Variants in HDGFL3 observed in about 807,000 individuals in gnomAD.
HDGFL3 encodes the protein hepatoma-derived growth factor-related protein 3.
A neutral mutation model predicts 27.6 loss-of-function variants in HDGFL3; 6 were observed. That is an observed-to-expected ratio of 0.22 (90% CI 0.12 to 0.43). The LOEUF is 0.43. Among genes scored for constraint, HDGFL3 ranks in the 20% least tolerant of loss-of-function variants. HDGFL3 has a pLI of 1.00. For missense variants in HDGFL3, 207 were observed against 250.1 expected, an observed-to-expected ratio of 0.83 and a Z score of 1.16; for synonymous variants, 88 against 88.9, an observed-to-expected ratio of 0.99 and a Z score of 0.05.
At chr15:83,163,383 GGACAA>G (rs2037124687) in intron 2 of HDGFL3, among the ~76,000 whole-genome samples, 1 of 152,116 alleles carries the variant, frequency 6.6e-6, no homozygotes, top group South Asian at 2.1e-4. Context: ...GTTAATGACA[GGACAA>G]GAAACAGAAG....
intron 2 of HDGFL3, among the ~76,000 whole-genome samples, chr15:83,161,548 T>G (rs940362870): frequency 2.0e-5 from 3 of 152,204 alleles, no homozygotes; most frequent in Non-Finnish European, 2.9e-5. Context: ...CTCTTTATTT[T>G]TATCTTGTCC....
chr15:83,164,621 A>G (rs2037145839), intron 1 of HDGFL3, among the ~76,000 whole-genome samples: 1 of 152,160 alleles, frequency 6.6e-6, no homozygotes, highest in African/African-American at 2.4e-5. Flanking sequence ...CTTACTTCAA[A>G]TCTGTCTATA....
At chr15:83,141,094 A>G (rs2036760516) in intron 5 of HDGFL3, among the ~76,000 whole-genome samples, 2 of 152,212 alleles carry the variant, frequency 1.3e-5, no homozygotes, top group Admixed American at 1.3e-4. Context: ...ATCACTTTGC[A>G]TCTATGTATT....
At chr15:83,167,562 GAA>G (rs76337560) in intron 1 of HDGFL3, among the ~76,000 whole-genome samples, 17 of 99,192 alleles carry the variant, frequency 1.7e-4, no homozygotes, top group Admixed American at 3.0e-4. Flanking sequence ...TCCATCTCAA[GAA>G]AAAAAAAAAA....
chr15:83,166,870 C>A (rs1324710101), intron 1 of HDGFL3, among the ~76,000 whole-genome samples: 1 of 152,164 alleles, frequency 6.6e-6, no homozygotes, highest in Non-Finnish European at 1.5e-5. Context: ...AAGAGGAAAT[C>A]TAACCCCATG....
chr15:83,173,311 T>C (rs2037268877), intron 1 of HDGFL3, among the ~76,000 whole-genome samples: 1 of 152,228 alleles, frequency 6.6e-6, no homozygotes, highest in Non-Finnish European at 1.5e-5. Context: ...TCAATACTAT[T>C]ATAAAATAGG....
At chr15:83,164,556 C>G (rs1453205723) in intron 1 of HDGFL3, among the ~76,000 whole-genome samples, 1 of 152,130 alleles carries the variant, frequency 6.6e-6, no homozygotes, top group East Asian at 1.9e-4. Flanking sequence ...GTCTCTCCTC[C>G]CATCCATTTA....
intron 5 of HDGFL3, chr15:83,144,786 G>C: frequency 2.9e-6 from 1 of 341,818 alleles, no homozygotes; most frequent in South Asian, 2.3e-5. Context: ...AGAGGATTTA[G>C]CAAGTTGCAC....
In HDGFL3 at chr15:83,131,555, C is replaced by G. The variant is rs2036251441; in HGVS notation, c.*7715G>C. ...GCTGAGGCAGGAGAATCGCTTGAAC[C>G]TGGGAGGCAGAGGCTGCAGTGTGCC... On this transcript the variant is annotated 3_prime_UTR_variant, in exon 6 of 6. Transcript: ENST00000299633. 1 of 152,620 alleles carries G rather than the reference C, an allele frequency of 6.6e-6. No individual in the cohort carries two copies. The highest frequency in any genetic ancestry group is 6.5e-5 in the Admixed American group (1 of 15,268). The allele number at this position is 152,620 out of a possible 1,614,324, so 9.5% of individuals were successfully genotyped here.
intron 1 of HDGFL3, among the ~76,000 whole-genome samples, chr15:83,178,443 T>G (rs2037339786): frequency 6.6e-6 from 1 of 152,210 alleles, no homozygotes; most frequent in Non-Finnish European, 1.5e-5. Flanking sequence ...AGTTTGTTTT[T>G]AAATAAACAA....
chr15:83,165,338 C>G (rs181364344), intron 1 of HDGFL3, among the ~76,000 whole-genome samples: 9 of 152,330 alleles, frequency 5.9e-5, no homozygotes, highest in Non-Finnish European at 8.8e-5. Context: ...TTTATCTCTT[C>G]ACATATAACT....
rs901081546 is a variant in HDGFL3 at position 83,134,820 on chromosome 15, A to G, written c.*4450T>C. 1 of 152,228 alleles carries G rather than the reference A, an allele frequency of 6.6e-6. No individual in the cohort carries two copies. The highest frequency in any genetic ancestry group is 1.5e-5 in the Non-Finnish European group (1 of 68,044). The allele number at this position is 152,228 out of a possible 1,614,324, so 9.4% of individuals were successfully genotyped here. A position where few individuals can be genotyped will look rare whatever the true frequency, so the allele number is the denominator to read the frequency against. Reference sequence around the variant, plus strand: ...AGAAAATGCTTGGTTATATATTCAGAAAAACACTATTATTCAAAACAGGCC... The same window carrying G: ...AGAAAATGCTTGGTTATATATTCAGGAAAACACTATTATTCAAAACAGGCC... On this transcript the variant is annotated 3_prime_UTR_variant, in exon 6 of 6. Coordinates refer to ENST00000299633, the MANE Select transcript of HDGFL3 (RefSeq NM_016073.4).
intron 1 of HDGFL3, among the ~76,000 whole-genome samples, chr15:83,189,055 A>G (rs1359535507): frequency 6.6e-6 from 1 of 151,946 alleles, no homozygotes; most frequent in African/African-American, 2.4e-5. Context: ...TCCTTCAATT[A>G]TACCCCAAAA....
chr15:83,206,497 G>A (rs1326978706), intron 1 of HDGFL3, among the ~76,000 whole-genome samples: 1 of 152,222 alleles, frequency 6.6e-6, no homozygotes, highest in Non-Finnish European at 1.5e-5. Context: ...AATAAAAATT[G>A]TGAATGCTAT....
rs1338648009 is a variant in HDGFL3 at position 83,135,165 on chromosome 15, A to G, written c.*4105T>C. ...CCACAGGTCTCCAGAATATATCAGG[A>G]ATTTGTAAAAATGCAGCCCATTAAA... On this transcript the variant is annotated 3_prime_UTR_variant, in exon 6 of 6. Transcript: ENST00000299633. The G allele has an allele frequency of 3.3e-5, 5 of 152,232 alleles. No homozygotes were observed. The highest frequency in any genetic ancestry group is 4.4e-5 in the Non-Finnish European group (3 of 68,036). 9.4% of individuals were successfully genotyped at this position (152,232 alleles called of 1,614,324 possible).
Position 83,127,857 on chromosome 15 carries a change from A to C in HDGFL3, c.*11413T>G. ...TTCAAAATGTCCATCCAAATTTAAG[A>C]CTTCAGAATTCCACTACGCTATGCT... On this transcript the variant is annotated 3_prime_UTR_variant, in exon 6 of 6. Coordinates refer to ENST00000299633, the MANE Select transcript of HDGFL3 (RefSeq NM_016073.4). 3.8e-6 allele frequency: 1 copy of C among 260,810 alleles called. No homozygotes were observed. The highest frequency in any genetic ancestry group is 1.5e-4 in the East Asian group (1 of 6,858). The allele number at this position is 260,810 out of a possible 1,614,324, so 16.2% of individuals were successfully genotyped here. A position where few individuals can be genotyped will look rare whatever the true frequency, so the allele number is the denominator to read the frequency against.
At chr15:83,158,172 G>A in intron 2 of HDGFL3, 131 bp from the exon 3 acceptor site, 1 of 699,770 alleles carries the variant, frequency 1.4e-6, no homozygotes, top group South Asian at 2.6e-5. Context: ...AACCCTTCAA[G>A]TTAGGCACAT....
chr15:83,189,898 C>T (rs1233864730), intron 1 of HDGFL3, among the ~76,000 whole-genome samples: 11 of 152,050 alleles, frequency 7.2e-5, no homozygotes, highest in Non-Finnish European at 4.4e-5. Flanking sequence ...CCTGTTATGT[C>T]AATACACTAC....
At chr15:83,126,680 C>G (rs572670951), downstream of HDGFL3, 17 of 1,183,868 alleles carry the variant, frequency 1.4e-5, no homozygotes, top group Non-Finnish European at 8.6e-6. Flanking sequence ...CTAAACCTGG[C>G]ACATTTAGCC....
Sources: gnomAD v4.1 joint callset for allele counts (sites outside exome capture counted in the v4.1 genomes callset) on GRCh38, gnomAD v4.1.1 for gene constraint, MANE v1.5 for transcripts, NCBI Gene and HGNC (gene_info 2026-07-23, HGNC 2026-07-21) for gene names.